The following DMD variants were observed in gnomAD, a reference collection of about 807,000 sequenced individuals.
DMD encodes the protein mutant dystrophin.
DMD carries 63 observed loss-of-function variants against 330.1 expected under a neutral mutation model. The observed-to-expected ratio is 0.19, with a 90% CI of 0.16 to 0.24. DMD has a LOEUF of 0.24. Among genes scored for constraint, DMD ranks in the 10% least tolerant of loss-of-function variants. The pLI is 1.00. For synonymous variants in DMD, 1,223 were observed against 959.8 expected (o/e 1.27, Z -5.07); for missense variants, 3,344 against 2,684.1 (o/e 1.25, Z -5.43).
At chrX:33,032,765 T>G (rs960699143) in intron 1 of DMD, among the ~76,000 whole-genome samples, 7 of 112,479 alleles carry the variant, frequency 6.2e-5, no homozygotes, top group African/African-American at 2.3e-4. Context: ...AGTGAGTTAT[T>G]GTAATAGCAA....
chrX:32,679,798 T>G (rs1480454425), intron 9 of DMD, among the ~76,000 whole-genome samples: 1 of 109,237 alleles, frequency 9.2e-6, no homozygotes, highest in African/African-American at 3.3e-5. Context: ...TTTACTCACT[T>G]TAAACATGTT....
chrX:32,202,200 A>G (rs767614691), intron 44 of DMD, among the ~76,000 whole-genome samples: 3 of 111,779 alleles, frequency 2.7e-5, no homozygotes, highest in African/African-American at 6.5e-5. Context: ...CAAGAGCTTA[A>G]TATCTGATTT....
intron 1 of DMD, among the ~76,000 whole-genome samples, chrX:33,129,742 T>A (rs1461680656): frequency 9.0e-6 from 1 of 111,016 alleles, no homozygotes; most frequent in East Asian, 2.8e-4. Flanking sequence ...CAAAGAGTAC[T>A]GCATCCAAAT....
chrX:31,665,952 T>C (rs1428413597), intron 53 of DMD, among the ~76,000 whole-genome samples: 1 of 112,077 alleles, frequency 8.9e-6, no homozygotes, highest in Non-Finnish European at 1.9e-5. Flanking sequence ...TATGACATTT[T>C]TGAAAGCATT....
At chrX:33,179,564 G>A (rs190862082) in intron 1 of DMD, among the ~76,000 whole-genome samples, 1,712 of 108,295 alleles carry the variant, frequency 0.016, 35 homozygotes, top group African/African-American at 0.055. Flanking sequence ...CGTGGTGGCG[G>A]GCGCCTGTAG....
intron 55 of DMD, among the ~76,000 whole-genome samples, chrX:31,577,260 CTTTA>C (rs1048475114): frequency 2.0e-4 from 23 of 112,643 alleles, no homozygotes; most frequent in African/African-American, 6.8e-4. Flanking sequence ...TGTGATATTA[CTTTA>C]ATTAATACTT....
intron 55 of DMD, among the ~76,000 whole-genome samples, chrX:31,605,657 G>A (rs868228990): frequency 2.7e-5 from 3 of 111,210 alleles, no homozygotes; most frequent in Non-Finnish European, 3.8e-5. Flanking sequence ...AAATATATAT[G>A]AATTGAATGT....
At chrX:31,686,377 T>C (rs1423437707) in intron 52 of DMD, among the ~76,000 whole-genome samples, 1 of 112,263 alleles carries the variant, frequency 8.9e-6, no homozygotes, top group Non-Finnish European at 1.9e-5. Context: ...ATTTGTTTGT[T>C]GCATTTCAAG....
intron 54 of DMD, among the ~76,000 whole-genome samples, chrX:31,652,610 T>G (rs948842155): frequency 5.0e-4 from 56 of 112,131 alleles, no homozygotes; most frequent in African/African-American, 1.8e-3. Context: ...AAATGAGATA[T>G]TCAAGATAAT....
At chrX:32,658,067 T>A (rs1332933198) in intron 9 of DMD, among the ~76,000 whole-genome samples, 1 of 111,894 alleles carries the variant, frequency 8.9e-6, no homozygotes, top group Non-Finnish European at 1.9e-5. Flanking sequence ...AGAATGACCG[T>A]AGTCCATAGA....
Position 31,314,742 on chromosome X carries a change from CAGAG to C in DMD, c.9224+8852_9224+8855del, listed in dbSNP as rs199994602. 8.6e-3 allele frequency among the ~76,000 whole-genome samples: 474 copies of C among 55,247 alleles called. 3 individuals are homozygous for C. Among genetic ancestry groups the C allele is most frequent in the South Asian group, 0.029 (23 of 789 alleles). 48.0% of individuals were successfully genotyped at this position (55,247 alleles called of 115,157 possible). A position where few individuals can be genotyped will look rare whatever the true frequency, so the allele number is the denominator to read the frequency against. On this transcript the variant is annotated intron_variant, in intron 62 of 78. Transcript: ENST00000357033. ...ATTTCTTTAAAAAAGAATACATACA[CAGAG>C]AGAGAGAGAGAGAGAGAGAGAGAGA... is the stretch of plus-strand genomic sequence containing the variant.
intron 1 of DMD, among the ~76,000 whole-genome samples, chrX:33,113,981 G>A (rs1261385742): frequency 9.0e-6 from 1 of 110,572 alleles, no homozygotes; most frequent in Non-Finnish European, 1.9e-5. Flanking sequence ...TACTATAAAT[G>A]TAATATAATT....
intron 76 of DMD, among the ~76,000 whole-genome samples, chrX:31,142,761 G>A (rs191246841): frequency 1.8e-5 from 2 of 112,133 alleles, no homozygotes; most frequent in African/African-American, 6.5e-5. Context: ...AGCCAATAGG[G>A]GATAAACATT....
intron 2 of DMD, among the ~76,000 whole-genome samples, chrX:32,953,859 A>T (rs1176106784): frequency 8.9e-6 from 1 of 112,016 alleles, no homozygotes; most frequent in African/African-American, 3.2e-5. Flanking sequence ...TGTGGTAAGA[A>T]ATATGGAAAG....
At chrX:31,143,444 T>C (rs1203062131) in intron 76 of DMD, among the ~76,000 whole-genome samples, 1 of 111,955 alleles carries the variant, frequency 8.9e-6, no homozygotes, top group Non-Finnish European at 1.9e-5. Context: ...ACTGAGTCAA[T>C]AAACCTCTTT....
At chrX:32,437,143 A>G (rs2098264483) in intron 29 of DMD, among the ~76,000 whole-genome samples, 1 of 111,977 alleles carries the variant, frequency 8.9e-6, no homozygotes, top group African/African-American at 3.2e-5. Context: ...AGCAATATCT[A>G]TTTGACTCAG....
intron 55 of DMD, among the ~76,000 whole-genome samples, chrX:31,554,857 G>C (rs974600899): frequency 1.8e-5 from 2 of 111,919 alleles, no homozygotes; most frequent in Admixed American, 1.9e-4. Context: ...CAAAGGGTAA[G>C]ACAAATGTAC....
At chrX:32,658,310 AT>A (rs2060719606) in intron 9 of DMD, among the ~76,000 whole-genome samples, 1 of 111,221 alleles carries the variant, frequency 9.0e-6, no homozygotes. Flanking sequence ...TGAAAATCTT[AT>A]TCTTCCTGTT....
At chrX:32,992,435 T>A (rs1404469063) in intron 2 of DMD, among the ~76,000 whole-genome samples, 1 of 111,225 alleles carries the variant, frequency 9.0e-6, no homozygotes, top group Admixed American at 9.6e-5. Context: ...ATAATCAACT[T>A]CCCCCAGTCA....
Sources: allele counts gnomAD v4.1 joint callset (sites outside exome capture counted in the v4.1 genomes callset), GRCh38; gene constraint gnomAD v4.1.1; transcripts MANE v1.5; gene names NCBI Gene and HGNC (gene_info 2026-07-23, HGNC 2026-07-21).